Variants in CEACAM5 observed in about 807,000 individuals in gnomAD.
CEACAM5 encodes cell adhesion molecule CEACAM5.
In CEACAM5, 52 loss-of-function variants were observed where a neutral mutation model predicts 63.0. The observed-to-expected ratio is 0.83, with a 90% CI of 0.66 to 1.04. CEACAM5 has a LOEUF of 1.04. Ranked by LOEUF, CEACAM5 falls within the 50% of genes least tolerant of loss-of-function variation. CEACAM5 has a pLI of 0.00. For synonymous variants in CEACAM5, 357 were observed against 351.3 expected (o/e 1.02, Z -0.18); for missense variants, 790 against 864.8 (o/e 0.91, Z 1.08).
At chr19:41,715,354 C>A in intron 3 of CEACAM5, 105 bp downstream of exon 3, 3 of 1,489,624 alleles carry the variant, frequency 2.0e-6, no homozygotes, top group Non-Finnish European at 1.9e-6. Context: ...AGACCCTCAA[C>A]CCTGGACATC....
intron 6 of CEACAM5, among the ~76,000 whole-genome samples, chr19:41,718,816 G>A (rs2072570697): frequency 6.6e-6 from 1 of 152,242 alleles, no homozygotes; most frequent in Non-Finnish European, 1.5e-5. Flanking sequence ...AGAGGAGGAT[G>A]CCCCTTGGAT....
At chr19:41,716,573 C>T (rs2072530567) in intron 4 of CEACAM5, among the ~76,000 whole-genome samples, 1 of 152,206 alleles carries the variant, frequency 6.6e-6, no homozygotes, top group Non-Finnish European at 1.5e-5. Flanking sequence ...GACTCCTGAG[C>T]TGCGTCCTGG....
intron 8 of CEACAM5, among the ~76,000 whole-genome samples, chr19:41,725,296 A>G (rs868952154): frequency 6.6e-6 from 1 of 151,274 alleles, no homozygotes; most frequent in South Asian, 2.1e-4. Flanking sequence ...TATTCATAGC[A>G]TTCTTGTAGT....
intron 2 of CEACAM5, among the ~76,000 whole-genome samples, chr19:41,712,649 T>G (rs2072454112): frequency 1.3e-5 from 2 of 152,214 alleles, no homozygotes; most frequent in African/African-American, 4.8e-5. Context: ...CTCTCTCTGT[T>G]CAGGGAGTCA....
intron 3 of CEACAM5, 90 bp from the exon 4 acceptor site, chr19:41,715,560 G>T (rs2072511868): frequency 2.0e-6 from 3 of 1,516,194 alleles, no homozygotes; most frequent in Non-Finnish European, 2.7e-6. Context: ...TTGTGATTCA[G>T]CTTAGAGGGA....
intron 4 of CEACAM5, among the ~76,000 whole-genome samples, 162 bp downstream of exon 4, chr19:41,716,066 CTT>C (rs2072522791): frequency 1.3e-5 from 2 of 152,290 alleles, no homozygotes; most frequent in East Asian, 1.9e-4. Context: ...TCTACAGACT[CTT>C]TTCTTCTTGT....
In CEACAM5 at chr19:41,730,419, C is replaced by CAAA. The variant is rs34510228; in HGVS notation, c.*1284_*1286dup. On this transcript the variant is annotated 3_prime_UTR_variant, in exon 10 of 10. Coordinates refer to ENST00000221992, the MANE Select transcript of CEACAM5 (RefSeq NM_004363.6). ...CCTGGGAGACAAAGTGAGACTCCGT[C>CAAA]AAAAAAAAAAAAAAGTCTATGTGGT... Among the ~76,000 whole-genome samples the CAAA allele has an allele frequency of 0.42, 55,010 of 130,586 alleles. 11,728 individuals are homozygous for CAAA. The highest frequency in any genetic ancestry group is 0.6 in the African/African-American group (21,469 of 35,574). 85.7% of individuals were successfully genotyped at this position (130,586 alleles called of 152,430 possible).
chr19:41,719,324 C>G (rs1463043012), intron 6 of CEACAM5, among the ~76,000 whole-genome samples: 8 of 152,116 alleles, frequency 5.3e-5, no homozygotes, highest in Admixed American at 5.2e-4. Context: ...ATTCTGCTAC[C>G]ATCATCACCA....
intron 8 of CEACAM5, among the ~76,000 whole-genome samples, chr19:41,726,803 G>C (rs984369999): frequency 1.1e-4 from 16 of 152,122 alleles, no homozygotes; most frequent in African/African-American, 3.9e-4. Flanking sequence ...CATGAGAAGC[G>C]AGTTCTCTGT....
At chr19:41,715,354 C>T in intron 3 of CEACAM5, 105 bp downstream of exon 3, 2 of 1,489,626 alleles carry the variant, frequency 1.3e-6, no homozygotes, top group Non-Finnish European at 1.9e-6. Flanking sequence ...AGACCCTCAA[C>T]CCTGGACATC....
intron 8 of CEACAM5, 21 bp from the exon 9 acceptor site, chr19:41,727,212 CT>C (rs1555817223): frequency 6.3e-7 from 1 of 1,585,324 alleles, no homozygotes; most frequent in South Asian, 1.1e-5. Flanking sequence ...CTTCTCTTTT[CT>C]TTCCATGACG....
At position 41,718,164 on chromosome 19, in the gene CEACAM5, C is replaced by T; in HGVS notation, c.1274C>T (p.Thr425Ile). 6.2e-7 allele frequency: 1 copy of T among 1,614,230 alleles called. No individual in the cohort carries two copies. The highest frequency in any genetic ancestry group is 8.5e-7 in the Non-Finnish European group (1 of 1,180,032). ...PDDPTISPSY[T>I]YYRPGVNLSL... is the part of the protein sequence containing the mutation. ...GACCCCACCATTTCCCCCTCATACA[C>T]CTATTACCGTCCAGGGGTGAACCTC... Residue 425 changes from threonine (T) to isoleucine (I), a missense_variant, in exon 6 of 10, where the codon ACC (threonine) becomes ATC (isoleucine). Coordinates refer to ENST00000221992, the MANE Select transcript of CEACAM5 (RefSeq NM_004363.6).
chr19:41,715,073 A>G lies in CEACAM5; in HGVS notation c.527A>G (p.Tyr176Cys), dbSNP rs782564710. 3 of 1,614,094 alleles carry G rather than the reference A, an allele frequency of 1.9e-6. No homozygotes were observed. Among genetic ancestry groups the G allele is most frequent in the Non-Finnish European group, 2.5e-6 (3 of 1,180,012 alleles). The change falls in exon 3 of 10, where the codon TAC (tyrosine) becomes TGC (cysteine). Residue 176 changes from tyrosine to cysteine, a missense_variant. Tyr to Cys is a radical substitution (Grantham distance 194, BLOSUM62 -2). Transcript: ENST00000221992. ...TCEPETQDAT[Y>C]LWWVNNQSLP... ...GAACCTGAGACTCAGGACGCAACCT[A>G]CCTGTGGTGGGTAAACAATCAGAGC... is the stretch of plus-strand genomic sequence containing the variant.
intron 9 of CEACAM5, 131 bp downstream of exon 9, chr19:41,727,483 C>G: frequency 1.5e-6 from 1 of 650,946 alleles, no homozygotes; most frequent in Non-Finnish European, 2.8e-6. Flanking sequence ...TCCTGCTTCT[C>G]AGCACTAATT....
chr19:41,709,571 C>T lies in CEACAM5; in HGVS notation c.65-109C>T, dbSNP rs868972198. Reference sequence around the variant, plus strand: ...ACACACACACACACACACACACTCACTCACTCCAGGGCTGGGGGATGAAGA... The same window carrying T: ...ACACACACACACACACACACACTCATTCACTCCAGGGCTGGGGGATGAAGA... On this transcript the variant is annotated intron_variant, in intron 1 of 9. Coordinates refer to ENST00000221992, the MANE Select transcript of CEACAM5 (RefSeq NM_004363.6). The T allele has an allele frequency of 5.0e-4, 751 of 1,500,650 alleles. 2 individuals carry two copies. The highest frequency in any genetic ancestry group is 3.6e-3 in the Middle Eastern group (17 of 4,702). 93.0% of individuals were successfully genotyped at this position (1,500,650 alleles called of 1,614,324 possible). A position where few individuals can be genotyped will look rare whatever the true frequency, so the allele number is the denominator to read the frequency against.
At chr19:41,709,567 C>CACACACAT (rs3035804) in intron 1 of CEACAM5, 113 bp from the exon 2 acceptor site, 4 of 1,446,698 alleles carry the variant, frequency 2.8e-6, no homozygotes, top group Non-Finnish European at 3.7e-6. Context: ...CACACACACA[C>CACACACAT]TCACTCACTC....
In CEACAM5 at chr19:41,727,220, G is replaced by A; in HGVS notation, c.2027-14G>A. On this transcript the variant is annotated splice_polypyrimidine_tract_variant and intron_variant, in intron 8 of 9. Coordinates refer to ENST00000221992, the MANE Select transcript of CEACAM5 (RefSeq NM_004363.6). ...TTCATTCCTTCTCTTTTCTTTCCAT[G>A]ACGGACGATTCAGCATCTGGAACTT... 4.4e-6 allele frequency: 7 copies of A among 1,601,506 alleles called. No individual in the cohort carries two copies. Among genetic ancestry groups the A allele is most frequent in the Non-Finnish European group, 6.0e-6 (7 of 1,168,348 alleles).
intron 8 of CEACAM5, 41 bp from the exon 9 acceptor site, chr19:41,727,193 C>G (rs781959646): frequency 6.9e-7 from 1 of 1,454,290 alleles, no homozygotes; most frequent in South Asian, 1.1e-5. Flanking sequence ...AATAACATCA[C>G]ATTCATTCCT....
intron 3 of CEACAM5, 141 bp from the exon 4 acceptor site, chr19:41,715,509 G>A (rs55702269): frequency 0.022 from 26,789 of 1,232,730 alleles, 396 homozygotes; most frequent in Non-Finnish European, 0.026. Flanking sequence ...CTCAGACTCA[G>A]GCTCAGTAGA....
Sources: gnomAD v4.1 joint callset for allele counts (sites outside exome capture counted in the v4.1 genomes callset) on GRCh38, gnomAD v4.1.1 for gene constraint, MANE v1.5 for transcripts, NCBI Gene and HGNC (gene_info 2026-07-23, HGNC 2026-07-21) for gene names.